Variants in DNAH1 observed in about 807,000 individuals in gnomAD.
The protein encoded by DNAH1 is dynein axonemal heavy chain 1.
In DNAH1, 327 loss-of-function variants were observed where a neutral mutation model predicts 484.3. That is an observed-to-expected ratio of 0.68 (90% confidence interval 0.62 to 0.74). The LOEUF (loss-of-function observed/expected upper bound fraction) is 0.74. Among genes scored for constraint, DNAH1 ranks in the 30% least tolerant of loss-of-function variants. The pLI is 0.00. For missense variants in DNAH1, 5,052 were observed against 5,546.8 expected (o/e 0.91, Z 2.83); for synonymous variants, 2,192 against 2,191.9 (o/e 1.00, Z 0.00).
At chr3:52,357,536 G>C in intron 22 of DNAH1, 78 bp from the exon 23 acceptor site, 1 of 1,530,630 alleles carries the variant, frequency 6.5e-7, no homozygotes, top group Admixed American at 2.0e-5. Context: ...TGGCTGGTGT[G>C]GGTGCTCTGG....
chr3:52,386,832 G>T lies in DNAH1; in HGVS notation c.8982G>T (p.Glu2994Asp), dbSNP rs1312526780. 1 of 1,580,992 alleles carries T rather than the reference G, an allele frequency of 6.3e-7. No individual in the cohort carries two copies. Among genetic ancestry groups the T allele is most frequent in the Non-Finnish European group, 8.6e-7 (1 of 1,164,564 alleles). The change falls in exon 56 of 78, where the codon GAG becomes GAT. Residue 2994 changes from glutamate (E) to aspartate (D), a missense_variant. By Grantham distance (45) the Glu-to-Asp change is conservative (BLOSUM62 2). This residue lies in a region of DNAH1 where 2,929 missense variants were observed against 3,409.4 expected (regional missense o/e 0.86). Coordinates refer to ENST00000420323, the MANE Select transcript of DNAH1 (RefSeq NM_015512.5). ...TGCAGGACCCGGGCCACTTCCTTGA[G>T]AGCCTCTTCAAGTTTGACAAGGTAA... ...GLLQDPGHFL[E>D]SLFKFDKDNI... is the part of the protein sequence containing the mutation.
intron 28 of DNAH1, 81 bp downstream of exon 28, chr3:52,360,505 C>A: frequency 8.3e-7 from 1 of 1,212,056 alleles, no homozygotes; most frequent in Non-Finnish European, 1.2e-6. Context: ...GGGACCATGG[C>A]CACTCTGGGG....
At position 52,389,723 on chromosome 3, in the gene DNAH1, C is replaced by T; in HGVS notation, c.9621+137C>T. 2.9e-6 allele frequency: 3 copies of T among 1,045,380 alleles called. No homozygotes were observed. The African/African-American group carries it at 5.0e-5, about 17-fold the overall frequency. 64.8% of individuals were successfully genotyped at this position (1,045,380 alleles called of 1,614,324 possible). ...TGCCTCTGCTGAACCCTCCTGTGCC[C>T]AGCAAGAGGGTGGTAGGAGGACAGG... On this transcript the variant is annotated intron_variant, in intron 60 of 77. Transcript: ENST00000420323.
At chr3:52,311,969 T>G (rs1482113948), upstream of DNAH1, among the ~76,000 whole-genome samples, 7 of 152,170 alleles carry the variant, frequency 4.6e-5, no homozygotes, top group African/African-American at 1.2e-4. Context: ...CTGCACCTGC[T>G]GACCACCGCC....
Position 52,358,392 on chromosome 3 carries a change from A to G in DNAH1, c.4087-166A>G, listed in dbSNP as rs533492746. ...ACCACTGCTGGGGAGAAGGCAGGCC[A>G]TCCAGCCTGGGAAGGCCCAGCCAAG... is the stretch of plus-strand genomic sequence containing the variant. On this transcript the variant is annotated intron_variant, in intron 24 of 77. Transcript: ENST00000420323. The surrounding 1 kb of genome is among the most constrained non-coding windows in gnomAD (Gnocchi z 4.2). 2.6e-5 allele frequency among the ~76,000 whole-genome samples: 4 copies of G among 151,916 alleles called. No individual in the cohort carries two copies. The highest frequency in any genetic ancestry group is 2.1e-4 in the South Asian group (1 of 4,796).
rs1243027196 is a variant in DNAH1, at chr3:52,368,623, A to G, written c.5766-118A>G. The G allele has an allele frequency of 3.7e-6, 4 of 1,094,134 alleles. No individual in the cohort carries two copies. In the African/African-American group the frequency reaches 6.4e-5, roughly 17 times the overall value. 67.8% of individuals were successfully genotyped at this position (1,094,134 alleles called of 1,614,324 possible). On this transcript the variant is annotated intron_variant, in intron 36 of 77. Coordinates refer to ENST00000420323, the MANE Select transcript of DNAH1 (RefSeq NM_015512.5). This position sits in a 1 kb window ranked among gnomAD's most constrained non-coding sequence, Gnocchi z 4.4. ...TTCCTATTATAATTTTTAAAAGAAC[A>G]AAGAGATTGAAGGAAAGTAGAGCCC...
chr3:52,399,487 C>G, intron 76 of DNAH1, 58 bp from the exon 77 acceptor site: 1 of 1,472,720 alleles, frequency 6.8e-7, no homozygotes, highest in South Asian at 1.3e-5. Context: ...TTTTGTGCCT[C>G]CTAACCCAGA....
intron 66 of DNAH1, 37 bp from the exon 67 acceptor site, chr3:52,394,428 A>T (rs1704526750): frequency 6.2e-7 from 1 of 1,606,328 alleles, no homozygotes; most frequent in Admixed American, 1.7e-5. Context: ...GGAGCTGGCC[A>T]GGGCCTGGGC....
chr3:52,348,840 C>T (rs770893907), intron 12 of DNAH1, 48 bp from the exon 13 acceptor site: 8 of 1,587,804 alleles, frequency 5.0e-6, no homozygotes, highest in Non-Finnish European at 6.0e-6. Context: ...TGCTCATTCA[C>T]CCCCTGGCTC....
In DNAH1 at chr3:52,361,095, G is replaced by A; in HGVS notation, c.4686-69G>A. On this transcript the variant is annotated intron_variant, in intron 28 of 77. Transcript: ENST00000420323. The surrounding 1 kb of genome is among the most constrained non-coding windows in gnomAD (Gnocchi z 5.6). Reference sequence around the variant, plus strand: ...CGGGGCGAGAGGCCCCAGTCCACAGGAAATTCCAAGGAAAGGGGGAGTGTC... The same window carrying A: ...CGGGGCGAGAGGCCCCAGTCCACAGAAAATTCCAAGGAAAGGGGGAGTGTC... 1 of 1,363,498 alleles carries A rather than the reference G, an allele frequency of 7.3e-7. No homozygotes were observed. Among genetic ancestry groups the A allele is most frequent in the Non-Finnish European group, 9.5e-7 (1 of 1,048,702 alleles). 84.5% of individuals were successfully genotyped at this position (1,363,498 alleles called of 1,614,324 possible).
chr3:52,315,511 A>C (rs1700920978), upstream of DNAH1, among the ~76,000 whole-genome samples: 1 of 152,242 alleles, frequency 6.6e-6, no homozygotes, highest in African/African-American at 2.4e-5. Context: ...GGGCATCCTA[A>C]GCAGCCCATC....
At chr3:52,313,620 A>T (rs1321628767), upstream of DNAH1, among the ~76,000 whole-genome samples, 1 of 152,064 alleles carries the variant, frequency 6.6e-6, no homozygotes, top group Non-Finnish European at 1.5e-5. Flanking sequence ...CCTAGGCCAA[A>T]GCAGGCAGGC....
Position 52,393,357 on chromosome 3 carries a change from A to G in DNAH1, c.10498A>G (p.Asn3500Asp). ...RADNLKKRIS[N>D]INRYLTYSLY... ...AGACAACCTGAAGAAGCGCATCTCC[A>G]ACATCAACCGCTACCTGACCTACAG... The change falls in exon 66 of 78, where the codon AAC becomes GAC. Residue 3500 changes from asparagine (N) to aspartate (D), a missense_variant. By Grantham distance (23) the Asn-to-Asp change is conservative. Transcript: ENST00000420323. 3.7e-6 allele frequency: 6 copies of G among 1,613,886 alleles called. No homozygotes were observed. Among genetic ancestry groups the G allele is most frequent in the Non-Finnish European group, 5.1e-6 (6 of 1,179,880 alleles).
In DNAH1 at chr3:52,393,483, C is replaced by T; in HGVS notation, c.10624C>T (p.Gln3542Ter). The T allele has an allele frequency of 6.2e-7, 1 of 1,613,974 alleles. No individual in the cohort carries two copies. Among genetic ancestry groups the T allele is most frequent in the South Asian group, 1.1e-5 (1 of 91,082 alleles). Residue 3542 changes from glutamine to a stop codon, truncating the protein, a stop_gained and splice_region_variant, in exon 66 of 78, where the codon CAG becomes TAG. Transcript: ENST00000420323. LOFTEE classifies it high-confidence loss of function. ...RIMMNEGKIN[Q>*]SEWRYLLSGG... is the part of the protein sequence containing the mutation. ...CATGATGAACGAGGGCAAAATCAAC[C>T]AGGTGCTGGCAGAGACACCCAGGAC...
rs144539468 is a variant in DNAH1, at chr3:52,399,042, G to C, written c.12282G>C (p.Leu4094=). The C allele has an allele frequency of 2.5e-6, 4 of 1,614,048 alleles. No individual in the cohort carries two copies. Among genetic ancestry groups the C allele is most frequent in the Middle Eastern group, 1.6e-4 (1 of 6,062 alleles). The part of the protein sequence containing the change: ...KPLSSWVMDL[L]QRLDFLQAWI... ...TGTCATCATGGGTCATGGACCTGCT[G>C]CAACGCCTGGACTTTCTGCAGGCCT... is the stretch of plus-strand genomic sequence containing the variant. Residue 4094 remains leucine, a synonymous_variant, in exon 76 of 78, where the codon CTG becomes CTC. Transcript: ENST00000420323.
At position 52,349,317 on chromosome 3, in the gene DNAH1, T is replaced by A; in HGVS notation, c.2423T>A (p.Ile808Asn). The change falls in exon 14 of 78, where the codon ATC (isoleucine) becomes AAC (asparagine). Residue 808 changes from isoleucine (I) to asparagine (N), a missense_variant. Physicochemically the swap from Ile to Asn is moderately radical, Grantham distance 149 (BLOSUM62 -3). Transcript: ENST00000420323. ...AGCATCATCATTGGGCCTTTCTACATCAACACCGACAATGTCAAGCAGAGC... is the reference window on the plus strand; with the variant it reads ...AGCATCATCATTGGGCCTTTCTACAACAACACCGACAATGTCAAGCAGAGC... The part of the protein sequence containing the change: ...PSSIIIGPFY[I>N]NTDNVKQSLS... The A allele has an allele frequency of 6.8e-6, 11 of 1,613,876 alleles. No individual in the cohort carries two copies. The highest frequency in any genetic ancestry group is 9.3e-6 in the Non-Finnish European group (11 of 1,179,858).
chr3:52,399,738 A>T lies in DNAH1; in HGVS notation c.12635A>T (p.Asp4212Val), dbSNP rs201759347. 6 of 1,613,866 alleles carry T rather than the reference A, an allele frequency of 3.7e-6. No homozygotes were observed. In the African/African-American group the frequency reaches 6.7e-5, roughly 18 times the overall value. Residue 4212 changes from aspartate (D) to valine (V), a missense_variant, in exon 77 of 78, where the codon GAC (aspartate) becomes GTC (valine). Coordinates refer to ENST00000420323, the MANE Select transcript of DNAH1 (RefSeq NM_015512.5). ...PTPNRKAQDQ[D>V]FYLCPIYKTL... is the part of the protein sequence containing the mutation. ...CCCAACCGCAAGGCCCAGGACCAGG[A>T]CTTTTACCTGTGCCCCATCTACAAG...
Position 52,347,978 on chromosome 3 carries a change from C to T in DNAH1, c.2106+4C>T, listed in dbSNP as rs1411990281. 17 of 1,604,738 alleles carry T rather than the reference C, an allele frequency of 1.1e-5. No homozygotes were observed. Among genetic ancestry groups the T allele is most frequent in the South Asian group, 6.7e-5 (6 of 89,206 alleles). On this transcript the variant is annotated splice_donor_region_variant and intron_variant, in intron 12 of 77. Transcript: ENST00000420323. Reference sequence around the variant, plus strand: ...TGCCGTGCCCCAGCTGGAGAAGGTACGTGCTGCAGCCTGAGCAGGCCCCAG... The same window carrying T: ...TGCCGTGCCCCAGCTGGAGAAGGTATGTGCTGCAGCCTGAGCAGGCCCCAG...
chr3:52,326,095 T>G, intron 3 of DNAH1, 45 bp from the exon 4 acceptor site: 6 of 1,464,012 alleles, frequency 4.1e-6, no homozygotes, highest in Non-Finnish European at 5.4e-6. Context: ...GGTTTTTGGG[T>G]GCTGGCCTGA....
Sources: allele counts gnomAD v4.1 joint callset (sites outside exome capture counted in the v4.1 genomes callset), GRCh38; gene constraint gnomAD v4.1.1; regional missense constraint gnomAD v4.1.1; non-coding constraint Gnocchi (gnomAD v3.1); transcripts MANE v1.5; gene names NCBI Gene and HGNC (gene_info 2026-07-23, HGNC 2026-07-21).